CNTN5: variants seen among roughly 807,000 people sequenced by gnomAD.
CNTN5 encodes contactin-5.
In CNTN5, 77 loss-of-function variants were observed where a neutral mutation model predicts 129.1. The observed-to-expected ratio is 0.60, with a 90% CI of 0.50 to 0.72. The LOEUF is 0.72. Among genes scored for constraint, CNTN5 ranks in the 30% least tolerant of loss-of-function variants. The pLI is 0.00. For synonymous variants in CNTN5, 509 were observed against 465.6 expected (o/e 1.09, Z -1.20); for missense variants, 1,478 against 1,328.8 (o/e 1.11, Z -1.75).
intron 2 of CNTN5, among the ~76,000 whole-genome samples, chr11:99,360,423 A>G (rs376668714): frequency 6.6e-6 from 1 of 152,136 alleles, no homozygotes; most frequent in African/African-American, 2.4e-5. Flanking sequence ...GTTCGGCTCC[A>G]TGGCTCTCCA....
chr11:100,300,787 A>G (rs1205325532), intron 20 of CNTN5, among the ~76,000 whole-genome samples: 1 of 151,594 alleles, frequency 6.6e-6, no homozygotes, highest in African/African-American at 2.4e-5. Flanking sequence ...TATTCTGATG[A>G]GATACCAATT....
chr11:99,401,697 T>G (rs1941817161), intron 2 of CNTN5, among the ~76,000 whole-genome samples: 1 of 152,160 alleles, frequency 6.6e-6, no homozygotes, highest in South Asian at 2.1e-4. Context: ...ACAATATTGA[T>G]TCTTCCAATC....
intron 1 of CNTN5, among the ~76,000 whole-genome samples, chr11:99,219,818 C>T (rs186664155): frequency 1.5e-4 from 23 of 152,032 alleles, no homozygotes; most frequent in African/African-American, 4.3e-4. Context: ...TTGTAGATTA[C>T]GGCAGGAATC....
Position 99,845,128 on chromosome 11 carries a change from A to T in CNTN5, c.443A>T (p.Tyr148Phe), listed in dbSNP as rs754389718. The T allele has an allele frequency of 1.2e-6, 2 of 1,613,786 alleles. No individual in the cohort carries two copies. Among genetic ancestry groups the T allele is most frequent in the East Asian group, 2.2e-5 (1 of 44,838 alleles). The change falls in exon 6 of 25, where the codon TAT (tyrosine) becomes TTT (phenylalanine). Residue 148 changes from tyrosine to phenylalanine, a missense_variant. Physicochemically the swap from Tyr to Phe is conservative, Grantham distance 22. Coordinates refer to ENST00000524871, the MANE Select transcript of CNTN5 (RefSeq NM_014361.4). Reference sequence around the variant, plus strand: ...ACAGAAATAGATCTGGAAAGTGATTATCGCTACAGTTTGATAGATGGCACC... The same window carrying T: ...ACAGAAATAGATCTGGAAAGTGATTTTCGCTACAGTTTGATAGATGGCACC... ...NGTEIDLESD[Y>F]RYSLIDGTFI... is the part of the protein sequence containing the mutation.
At chr11:99,846,971 A>G (rs1045224679) in intron 6 of CNTN5, among the ~76,000 whole-genome samples, 1 of 152,214 alleles carries the variant, frequency 6.6e-6, no homozygotes, top group African/African-American at 2.4e-5. Context: ...AATACTTTAC[A>G]TTATGCACAA....
At chr11:100,224,024 A>T (rs1166846375) in intron 15 of CNTN5, among the ~76,000 whole-genome samples, 1 of 152,218 alleles carries the variant, frequency 6.6e-6, no homozygotes, top group Non-Finnish European at 1.5e-5. Context: ...TTTTTCTTCA[A>T]CTGTGTTCTA....
At position 100,042,192 on chromosome 11, in the gene CNTN5, A is replaced by G. The variant is rs546263865; in HGVS notation, c.981-19020A>G. 2.0e-5 allele frequency among the ~76,000 whole-genome samples: 3 copies of G among 151,322 alleles called. No homozygotes were observed. The South Asian group carries it at 6.2e-4, about 31-fold the overall frequency. ...TTTGTGTATTATGTAGATAGTAGCA[A>G]TCACCCACATTAGTGGTTTAGTTTT... On this transcript the variant is annotated intron_variant, in intron 9 of 24. Coordinates refer to ENST00000524871, the MANE Select transcript of CNTN5 (RefSeq NM_014361.4).
intron 6 of CNTN5, among the ~76,000 whole-genome samples, chr11:99,910,090 A>T (rs963720497): frequency 1.3e-5 from 2 of 151,970 alleles, no homozygotes. Flanking sequence ...TTAAATGCTA[A>T]TTTCAAAGCT....
chr11:99,938,332 A>C (rs749661413), intron 7 of CNTN5, among the ~76,000 whole-genome samples: 2 of 148,948 alleles, frequency 1.3e-5, no homozygotes, highest in Non-Finnish European at 3.0e-5. Flanking sequence ...GAAGATAAAC[A>C]ATAATATTAT....
chr11:99,353,303 A>C (rs895215969), intron 2 of CNTN5, among the ~76,000 whole-genome samples: 1 of 152,188 alleles, frequency 6.6e-6, no homozygotes, highest in Non-Finnish European at 1.5e-5. Context: ...AGTGTACTTC[A>C]TTTACATTTA....
intron 2 of CNTN5, among the ~76,000 whole-genome samples, chr11:99,424,031 A>C (rs747131498): frequency 6.6e-6 from 1 of 152,178 alleles, no homozygotes; most frequent in Non-Finnish European, 1.5e-5. Context: ...CAAATATCTA[A>C]CACTGTGGAC....
intron 13 of CNTN5, among the ~76,000 whole-genome samples, chr11:100,147,607 T>C (rs549747027): frequency 3.3e-5 from 5 of 152,234 alleles, no homozygotes; most frequent in African/African-American, 9.6e-5. Context: ...AGGGGAGCCT[T>C]ATATTTTTTT....
At chr11:99,619,693 T>A (rs2135756525) in intron 3 of CNTN5, among the ~76,000 whole-genome samples, 1 of 152,192 alleles carries the variant, frequency 6.6e-6, no homozygotes, top group East Asian at 1.9e-4. Flanking sequence ...TCTTAAAGAT[T>A]AAAAAGTTCT....
At chr11:99,728,774 T>G (rs1162593259) in intron 3 of CNTN5, among the ~76,000 whole-genome samples, 1 of 151,950 alleles carries the variant, frequency 6.6e-6, no homozygotes, top group African/African-American at 2.4e-5. Context: ...GAGCAAAAAG[T>G]CTGAGGTCTG....
intron 13 of CNTN5, among the ~76,000 whole-genome samples, chr11:100,117,958 C>T (rs1486443817): frequency 7.9e-5 from 12 of 151,770 alleles, no homozygotes; most frequent in Admixed American, 7.2e-4. Context: ...CTGATTTGGC[C>T]TGTGTAGCAG....
At chr11:99,667,949 C>A (rs992595003) in intron 3 of CNTN5, among the ~76,000 whole-genome samples, 63 of 77,896 alleles carry the variant, frequency 8.1e-4, no homozygotes, top group African/African-American at 2.1e-3. Flanking sequence ...AAACTTAAAG[C>A]AAAAGAAAAA....
chr11:99,082,428 C>T (rs1423204110), intron 1 of CNTN5, among the ~76,000 whole-genome samples: 1 of 152,104 alleles, frequency 6.6e-6, no homozygotes, highest in African/African-American at 2.4e-5. Flanking sequence ...CGTGATCCGC[C>T]CGCCTCGGCC....
intron 3 of CNTN5, among the ~76,000 whole-genome samples, chr11:99,759,638 G>A (rs879217081): frequency 4.2e-5 from 6 of 142,932 alleles, no homozygotes; most frequent in Admixed American, 7.0e-5. Flanking sequence ...GTCAGATGAC[G>A]AATGCTAGGG....
intron 3 of CNTN5, among the ~76,000 whole-genome samples, chr11:99,608,373 G>T (rs960097073): frequency 6.6e-6 from 1 of 152,052 alleles, no homozygotes; most frequent in Non-Finnish European, 1.5e-5. Context: ...AGGTAGTAAG[G>T]GCAATGCATG....
Sources: allele counts gnomAD v4.1 joint callset (sites outside exome capture counted in the v4.1 genomes callset), GRCh38; gene constraint gnomAD v4.1.1; transcripts MANE v1.5; gene names NCBI Gene and HGNC (gene_info 2026-07-23, HGNC 2026-07-21).